RALYL: variants seen among roughly 807,000 people sequenced by gnomAD.
RALYL encodes the protein RALY RNA binding protein like.
RALYL carries 29 observed loss-of-function variants against 35.1 expected under a neutral mutation model. That is an observed-to-expected ratio of 0.83 (90% CI 0.61 to 1.13). The LOEUF (loss-of-function observed/expected upper bound fraction) is 1.13. RALYL is among the 50% of genes most tolerant of loss of function. RALYL has a pLI of 0.00. For synonymous variants in RALYL, 120 were observed against 127.6 expected, an observed-to-expected ratio of 0.94 and a Z score of 0.40; for missense variants, 359 against 360.4, an observed-to-expected ratio of 1.00 and a Z score of 0.03.
chr8:84,778,121 C>G (rs948497056), intron 3 of RALYL, among the ~76,000 whole-genome samples: 1 of 152,110 alleles, frequency 6.6e-6, no homozygotes, highest in African/African-American at 2.4e-5. Flanking sequence ...GAGAGCATAA[C>G]GTAATGAAAG....
chr8:84,786,181 G>A (rs912247678), intron 3 of RALYL, among the ~76,000 whole-genome samples: 3 of 152,176 alleles, frequency 2.0e-5, no homozygotes, highest in African/African-American at 7.2e-5. Flanking sequence ...TGGCAGCATA[G>A]TATTCCACAG....
intron 1 of RALYL, among the ~76,000 whole-genome samples, chr8:84,391,525 G>C (rs1326350047): frequency 6.6e-6 from 1 of 151,936 alleles, no homozygotes; most frequent in Non-Finnish European, 1.5e-5. Context: ...TCAGTTCATT[G>C]TACTATTTAC....
chr8:84,205,577 C>G (rs900091600), intron 1 of RALYL, among the ~76,000 whole-genome samples: 1 of 152,112 alleles, frequency 6.6e-6, no homozygotes, highest in African/African-American at 2.4e-5. Flanking sequence ...ACTTCTAATG[C>G]AAGTATGTTA....
At chr8:84,455,110 T>C (rs2049982120) in intron 1 of RALYL, among the ~76,000 whole-genome samples, 1 of 151,988 alleles carries the variant, frequency 6.6e-6, no homozygotes, top group African/African-American at 2.4e-5. Flanking sequence ...GGAACATTGA[T>C]TGGGGAACAG....
chr8:84,193,771 T>C (rs1332225809), intron 1 of RALYL, among the ~76,000 whole-genome samples: 3 of 152,180 alleles, frequency 2.0e-5, no homozygotes, highest in Non-Finnish European at 2.9e-5. Context: ...ATCACTTCTC[T>C]AGGAACACTT....
intron 1 of RALYL, among the ~76,000 whole-genome samples, chr8:84,507,262 T>G (rs1458447438): frequency 6.6e-6 from 1 of 152,144 alleles, no homozygotes; most frequent in East Asian, 1.9e-4. Context: ...TCTTATTGAC[T>G]GCAGGTACAC....
At chr8:84,265,249 G>A (rs1162829197) in intron 1 of RALYL, among the ~76,000 whole-genome samples, 4 of 152,164 alleles carry the variant, frequency 2.6e-5, no homozygotes, top group Non-Finnish European at 4.4e-5. Context: ...GGATATGGAC[G>A]TTGAGATGGG....
intron 4 of RALYL, chr8:84,829,445 G>T: frequency 6.3e-6 from 1 of 159,376 alleles, no homozygotes; most frequent in East Asian, 1.7e-4. Flanking sequence ...TCTTTAAGTA[G>T]ACTTGGGTCA....
chr8:84,439,762 A>G (rs1407664103), intron 1 of RALYL, among the ~76,000 whole-genome samples: 2 of 152,090 alleles, frequency 1.3e-5, no homozygotes, highest in African/African-American at 4.8e-5. Flanking sequence ...CAAATTTAAT[A>G]ACCTGTCAGA....
At chr8:84,342,301 TCAAAA>T (rs1849002538) in intron 1 of RALYL, among the ~76,000 whole-genome samples, 1 of 127,574 alleles carries the variant, frequency 7.8e-6, no homozygotes, top group African/African-American at 3.1e-5. Context: ...TATATAAAAC[TCAAAA>T]AGTGTGGTCC....
At chr8:84,367,328 T>A (rs377673375) in intron 1 of RALYL, among the ~76,000 whole-genome samples, 3 of 24,410 alleles carry the variant, frequency 1.2e-4, no homozygotes, top group African/African-American at 7.9e-4. Context: ...ATTTTTTTTT[T>A]TTTTTTTTTT....
At chr8:84,284,089 C>T (rs781389675) in intron 1 of RALYL, among the ~76,000 whole-genome samples, 9 of 152,104 alleles carry the variant, frequency 5.9e-5, no homozygotes, top group Admixed American at 2.0e-4. Flanking sequence ...ATCAAATAGG[C>T]GGACATAGTT....
At chr8:84,767,368 A>T (rs1233057909) in intron 2 of RALYL, among the ~76,000 whole-genome samples, 1 of 152,250 alleles carries the variant, frequency 6.6e-6, no homozygotes, top group Non-Finnish European at 1.5e-5. Flanking sequence ...AGAGCAGTTA[A>T]TACATTTTTA....
intron 2 of RALYL, chr8:84,679,623 G>A: frequency 4.2e-6 from 2 of 474,982 alleles, no homozygotes; most frequent in South Asian, 3.3e-5. Flanking sequence ...GCTATTGGAA[G>A]AGCTCAGTTT....
At chr8:84,593,634 T>TAA (rs1398060753) in intron 2 of RALYL, among the ~76,000 whole-genome samples, 4 of 152,100 alleles carry the variant, frequency 2.6e-5, no homozygotes, top group Non-Finnish European at 5.9e-5. Context: ...TTTGTGGTTT[T>TAA]AAGAGTCCAG....
intron 2 of RALYL, among the ~76,000 whole-genome samples, chr8:84,697,659 G>T (rs781571833): frequency 1.3e-5 from 2 of 151,962 alleles, no homozygotes; most frequent in Non-Finnish European, 2.9e-5. Flanking sequence ...TGTCATGGGG[G>T]TTTGCTGTAC....
At chr8:84,661,943 T>A (rs1330534859) in intron 2 of RALYL, among the ~76,000 whole-genome samples, 1 of 132,934 alleles carries the variant, frequency 7.5e-6, no homozygotes, top group African/African-American at 3.3e-5. Context: ...TTTGTTACTG[T>A]TTTTTTTTTT....
intron 2 of RALYL, among the ~76,000 whole-genome samples, chr8:84,615,570 C>CTTTTTTTTTTTTTTT (rs60428128): frequency 1.5e-4 from 10 of 67,364 alleles, no homozygotes; most frequent in Non-Finnish European, 2.1e-4. Flanking sequence ...GAACTTTCGT[C>CTTTTTTTTTTTTTTT]TTTTTTTTTT....
intron 5 of RALYL, among the ~76,000 whole-genome samples, chr8:84,860,570 G>A (rs1837905882): frequency 6.6e-6 from 1 of 152,138 alleles, no homozygotes; most frequent in Non-Finnish European, 1.5e-5. Flanking sequence ...TGATTCTCAA[G>A]CCCCTAGTGG....
Sources: gnomAD v4.1 joint callset for allele counts (sites outside exome capture counted in the v4.1 genomes callset) on GRCh38, gnomAD v4.1.1 for gene constraint, MANE v1.5 for transcripts, NCBI Gene and HGNC (gene_info 2026-07-23, HGNC 2026-07-21) for gene names.